PRKD1: variants seen among roughly 807,000 people sequenced by gnomAD.
The protein encoded by PRKD1 is serine/threonine-protein kinase D1.
PRKD1 carries 63 observed loss-of-function variants against 95.9 expected under a neutral mutation model. The ratio of observed to expected loss-of-function variants is 0.66; its 90% CI spans 0.54 to 0.81. The LOEUF (loss-of-function observed/expected upper bound fraction) is 0.81, where lower values mean the gene tolerates loss of function less well. Among genes scored for constraint, PRKD1 ranks in the 30% least tolerant of loss-of-function variants. The pLI is 0.00. For missense variants in PRKD1, 1,048 were observed against 1,165.3 expected (o/e 0.90, Z 1.47); for synonymous variants, 425 against 423.1 (o/e 1.00, Z -0.05).
intron 1 of PRKD1, among the ~76,000 whole-genome samples, chr14:29,833,816 T>TA (rs990323599): frequency 2.0e-5 from 3 of 151,754 alleles, no homozygotes; most frequent in African/African-American, 4.8e-5. Context: ...ATTTCATATA[T>TA]AAAAAAGCAA....
At chr14:29,902,460 G>A (rs957835300) in intron 1 of PRKD1, among the ~76,000 whole-genome samples, 4 of 152,122 alleles carry the variant, frequency 2.6e-5, no homozygotes, top group Non-Finnish European at 5.9e-5. Context: ...GTTGTTAATT[G>A]TGTAGCTGAT....
At chr14:29,656,097 T>C (rs888069552) in intron 4 of PRKD1, among the ~76,000 whole-genome samples, 1 of 152,116 alleles carries the variant, frequency 6.6e-6, no homozygotes, top group South Asian at 2.1e-4. Context: ...TCATTTAACA[T>C]AGCATCACAT....
At chr14:29,863,801 C>A (rs45508994) in intron 1 of PRKD1, among the ~76,000 whole-genome samples, 74 of 152,194 alleles carry the variant, frequency 4.9e-4, no homozygotes, top group Admixed American at 2.2e-3. Flanking sequence ...ATCTGGAGAA[C>A]TGTGTCATGA....
intron 2 of PRKD1, among the ~76,000 whole-genome samples, chr14:29,684,141 TG>T (rs1378917793): frequency 3.2e-5 from 4 of 125,066 alleles, no homozygotes; most frequent in South Asian, 5.5e-4. Flanking sequence ...TTCTTTAGAA[TG>T]GTTTTTTTTT....
intron 2 of PRKD1, among the ~76,000 whole-genome samples, chr14:29,675,992 G>A (rs187704007): frequency 2.0e-4 from 23 of 116,310 alleles, no homozygotes; most frequent in Admixed American, 6.8e-4. Context: ...GGTGGGGGGT[G>A]GGGGGAGGGA....
At chr14:29,651,211 C>A (rs895284773) in intron 4 of PRKD1, among the ~76,000 whole-genome samples, 10 of 152,166 alleles carry the variant, frequency 6.6e-5, no homozygotes, top group Admixed American at 3.9e-4. Context: ...CTATCCCACA[C>A]CCCTAAAAGA....
chr14:29,615,242 G>A (rs1433122863), intron 13 of PRKD1, among the ~76,000 whole-genome samples: 1 of 151,974 alleles, frequency 6.6e-6, no homozygotes, highest in Non-Finnish European at 1.5e-5. Flanking sequence ...ATTCTAATGG[G>A]TACATTTAAA....
In PRKD1 at chr14:29,927,362, A is replaced by G; in HGVS notation, c.151T>C (p.Phe51Leu). The change falls in exon 1 of 18, where the codon TTC becomes CTC. Residue 51 changes from phenylalanine to leucine, a missense_variant. Around this residue, in one of 3 missense-constraint regions of PRKD1, gnomAD observed 275 missense variants for 248.6 expected, o/e 1.11. Transcript: ENST00000331968. ...CGGCTCAGGCCGATCTGCAGATGGA[A>G]CGAGATGCCCCCGACCGGGGCCGCG... ...PVAAPVGGIS[F>L]HLQIGLSREP... The G allele has an allele frequency of 6.4e-7, 1 of 1,561,440 alleles. No individual in the cohort carries two copies. The highest frequency in any genetic ancestry group is 8.7e-7 in the Non-Finnish European group (1 of 1,155,690).
At chr14:29,868,833 T>C (rs143522010) in intron 1 of PRKD1, among the ~76,000 whole-genome samples, 1 of 152,186 alleles carries the variant, frequency 6.6e-6, no homozygotes, top group Non-Finnish European at 1.5e-5. Context: ...CTAGTTCCTA[T>C]GGAAACATGC....
chr14:29,675,680 G>A (rs1363416224), intron 2 of PRKD1, among the ~76,000 whole-genome samples: 1 of 152,010 alleles, frequency 6.6e-6, no homozygotes, highest in Non-Finnish European at 1.5e-5. Flanking sequence ...ACATGCACAC[G>A]TACGTTTATT....
At chr14:29,622,761 A>C (rs957224137) in intron 13 of PRKD1, among the ~76,000 whole-genome samples, 2 of 152,168 alleles carry the variant, frequency 1.3e-5, no homozygotes, top group African/African-American at 2.4e-5. Context: ...AGACTTGGGG[A>C]AAGCCAATTA....
At chr14:29,824,554 C>A (rs773545191) in intron 1 of PRKD1, among the ~76,000 whole-genome samples, 39 of 152,084 alleles carry the variant, frequency 2.6e-4, no homozygotes, top group Admixed American at 5.2e-4. Flanking sequence ...GGGCCCAGCA[C>A]CAATATTCAG....
intron 2 of PRKD1, 112 bp from the exon 3 acceptor site, chr14:29,666,320 T>C: frequency 1.7e-6 from 2 of 1,170,376 alleles, no homozygotes; most frequent in South Asian, 2.3e-5. Flanking sequence ...TAGGCAAAGT[T>C]AGGGAAGATA....
intron 2 of PRKD1, among the ~76,000 whole-genome samples, chr14:29,676,621 G>T (rs1883240701): frequency 6.6e-6 from 1 of 152,150 alleles, no homozygotes; most frequent in Non-Finnish European, 1.5e-5. Context: ...CCAAAGTGCT[G>T]GGATTATAGG....
intron 1 of PRKD1, among the ~76,000 whole-genome samples, chr14:29,826,736 T>G (rs1477191738): frequency 1.8e-5 from 1 of 55,022 alleles, no homozygotes; most frequent in African/African-American, 6.9e-5. Context: ...TATATACACA[T>G]ATATATACAC....
In PRKD1 at chr14:29,636,424, C is replaced by T; in HGVS notation, c.1056G>A (p.Arg352=). 1.2e-6 allele frequency: 2 copies of T among 1,614,118 alleles called. No individual in the cohort carries two copies. The highest frequency in any genetic ancestry group is 2.2e-5 in the South Asian group (2 of 91,080). The change falls in exon 7 of 18, where the codon AGG becomes AGA. Residue 352 remains arginine (R), a synonymous_variant. Transcript: ENST00000331968. ...CCATATCATCCATGAGCCCACTGTT[C>T]CTTTCACTATCATTGTCATCACTCC... ...EEGSDDNDSE[R]NSGLMDDMEE... is the part of the protein sequence containing the mutation.
intron 1 of PRKD1, among the ~76,000 whole-genome samples, chr14:29,843,025 A>G (rs114568898): frequency 0.014 from 2,203 of 152,290 alleles, 51 homozygotes; most frequent in African/African-American, 0.045. Flanking sequence ...AATAGAAGGT[A>G]TTATTAACGG....
chr14:29,841,773 C>A (rs1891857417), intron 1 of PRKD1, among the ~76,000 whole-genome samples: 1 of 151,990 alleles, frequency 6.6e-6, no homozygotes, highest in African/African-American at 2.4e-5. Context: ...ATAAATTAAT[C>A]TTTCCTTACT....
intron 1 of PRKD1, among the ~76,000 whole-genome samples, chr14:29,782,851 T>C (rs1357146457): frequency 6.6e-6 from 1 of 152,170 alleles, no homozygotes; most frequent in Non-Finnish European, 1.5e-5. Flanking sequence ...GCCCAAATTG[T>C]TTTTTACTGC....
Sources: gnomAD v4.1 joint callset for allele counts (sites outside exome capture counted in the v4.1 genomes callset) on GRCh38, gnomAD v4.1.1 for gene constraint, gnomAD v4.1.1 regional missense constraint, MANE v1.5 for transcripts, NCBI Gene and HGNC (gene_info 2026-07-23, HGNC 2026-07-21) for gene names.